Variants in TUSC3 observed in about 807,000 individuals in gnomAD.
TUSC3 encodes tumor suppressor candidate 3, also known as dolichyl-diphosphooligosaccharide--protein glycosyltransferase subunit TUSC3.
TUSC3 carries 45 observed loss-of-function variants against 44.8 expected under a neutral mutation model. That is an observed-to-expected ratio of 1.00 (90% CI 0.79 to 1.29). The LOEUF is 1.29. Among genes scored for constraint, TUSC3 ranks in the 50% most tolerant of loss-of-function variants. The pLI, the probability that TUSC3 is intolerant of heterozygous loss-of-function variation, is 0.00. For missense variants in TUSC3, 519 were observed against 437.9 expected, an observed-to-expected ratio of 1.19 and a Z score of -1.65; for synonymous variants, 212 against 152.9, an observed-to-expected ratio of 1.39 and a Z score of -2.85.
chr8:15,492,508 C>T (rs937539181), intron 2 of TUSC3, among the ~76,000 whole-genome samples: 1 of 152,174 alleles, frequency 6.6e-6, no homozygotes, highest in African/African-American at 2.4e-5. Flanking sequence ...GACTTTAAGA[C>T]TGCCCCAAGA....
At chr8:15,448,951 C>G (rs1376459648) in intron 1 of TUSC3, among the ~76,000 whole-genome samples, 2 of 152,046 alleles carry the variant, frequency 1.3e-5, no homozygotes, top group Non-Finnish European at 2.9e-5. Context: ...ATAAATTTAG[C>G]ATAGACTAAT....
At chr8:15,515,844 T>G (rs1211814506) in intron 2 of TUSC3, among the ~76,000 whole-genome samples, 1 of 151,920 alleles carries the variant, frequency 6.6e-6, no homozygotes, top group Non-Finnish European at 1.5e-5. Flanking sequence ...TTTTTTTTTG[T>G]ATTTTTAGTA....
intron 1 of TUSC3, among the ~76,000 whole-genome samples, chr8:15,472,871 T>C (rs1240952496): frequency 6.6e-6 from 1 of 152,216 alleles, no homozygotes; most frequent in Non-Finnish European, 1.5e-5. Flanking sequence ...TGGTGGAATA[T>C]ACTGACTGAT....
At chr8:15,737,035 AAAGAT>A (rs1398864815) in intron 7 of TUSC3, among the ~76,000 whole-genome samples, 3 of 152,190 alleles carry the variant, frequency 2.0e-5, no homozygotes, top group Non-Finnish European at 2.9e-5. Context: ...TTATTCTTAT[AAAGAT>A]AACATTGCAT....
chr8:15,584,790 T>C (rs1293234922), intron 1 of TUSC3, among the ~76,000 whole-genome samples: 4 of 151,882 alleles, frequency 2.6e-5, no homozygotes, highest in Non-Finnish European at 5.9e-5. Flanking sequence ...GTATAGTGAG[T>C]TTAGGGAATT....
At chr8:15,418,493 C>T (rs931642854) in intron 1 of TUSC3, among the ~76,000 whole-genome samples, 6 of 152,120 alleles carry the variant, frequency 3.9e-5, no homozygotes, top group African/African-American at 1.4e-4. Context: ...ATTAATCCCA[C>T]AGGGCTGTCA....
intron 1 of TUSC3, among the ~76,000 whole-genome samples, chr8:15,593,984 C>A (rs754482134): frequency 1.3e-5 from 2 of 152,174 alleles, no homozygotes; most frequent in African/African-American, 4.8e-5. Context: ...TTCTGCATAA[C>A]TAACTTTGGC....
chr8:15,526,694 C>T (rs979310574), intron 2 of TUSC3, among the ~76,000 whole-genome samples: 5 of 152,124 alleles, frequency 3.3e-5, no homozygotes, highest in Admixed American at 3.3e-4. Context: ...GTCCATTGAA[C>T]CTCTTTTTCT....
At chr8:15,489,853 C>G (rs756930402) in intron 2 of TUSC3, among the ~76,000 whole-genome samples, 2 of 152,150 alleles carry the variant, frequency 1.3e-5, no homozygotes, top group African/African-American at 4.8e-5. Context: ...CATTCAGTCC[C>G]TTGGGCTTAG....
At chr8:15,550,794 C>T (rs1218797792) in intron 1 of TUSC3, among the ~76,000 whole-genome samples, 1 of 151,596 alleles carries the variant, frequency 6.6e-6, no homozygotes, top group Non-Finnish European at 1.5e-5. Context: ...GCCTCAGCCT[C>T]CCGAGTAGCT....
chr8:15,438,381 C>G (rs1007838521), intron 1 of TUSC3, among the ~76,000 whole-genome samples: 25 of 152,212 alleles, frequency 1.6e-4, no homozygotes, highest in African/African-American at 6.0e-4. Context: ...CAGGCGTGAG[C>G]CACCGCGCCC....
intron 1 of TUSC3, among the ~76,000 whole-genome samples, chr8:15,577,910 G>A (rs564122546): frequency 2.7e-5 from 4 of 150,886 alleles, no homozygotes; most frequent in South Asian, 2.1e-4. Context: ...TGGGCAGTAC[G>A]GCCATTTTTA....
At chr8:15,579,047 G>A (rs1803221403) in intron 1 of TUSC3, among the ~76,000 whole-genome samples, 3 of 151,936 alleles carry the variant, frequency 2.0e-5, no homozygotes, top group South Asian at 4.2e-4. Flanking sequence ...AGTCTTGGGA[G>A]AGTGTATGTG....
chr8:15,514,033 A>G (rs1801177953), intron 2 of TUSC3, among the ~76,000 whole-genome samples: 1 of 152,082 alleles, frequency 6.6e-6, no homozygotes, highest in Non-Finnish European at 1.5e-5. Flanking sequence ...CATAACCAGT[A>G]CTTTTCATCC....
At chr8:15,418,575 A>G (rs1799688951) in intron 1 of TUSC3, among the ~76,000 whole-genome samples, 1 of 152,238 alleles carries the variant, frequency 6.6e-6, no homozygotes, top group Admixed American at 6.5e-5. Flanking sequence ...AACAAAAGTT[A>G]TAAAATCGGC....
intron 1 of TUSC3, among the ~76,000 whole-genome samples, chr8:15,545,898 A>G (rs1801846530): frequency 1.3e-5 from 2 of 151,722 alleles, no homozygotes; most frequent in Admixed American, 6.6e-5. Flanking sequence ...TTGGCATGTC[A>G]GACTATCTCA....
At chr8:15,495,062 T>C (rs1218639697) in intron 2 of TUSC3, among the ~76,000 whole-genome samples, 1 of 152,226 alleles carries the variant, frequency 6.6e-6, no homozygotes, top group Non-Finnish European at 1.5e-5. Flanking sequence ...GCTCCATCTT[T>C]GCTGCTGCAA....
intron 1 of TUSC3, among the ~76,000 whole-genome samples, chr8:15,604,150 G>T (rs763859853): frequency 1.5e-4 from 23 of 151,650 alleles, no homozygotes; most frequent in Non-Finnish European, 2.5e-4. Flanking sequence ...ATGATATTGA[G>T]ATAGAGTATT....
upstream of TUSC3, chr8:15,540,165 A>T (rs1158031230): frequency 2.4e-6 from 1 of 420,580 alleles, no homozygotes; most frequent in East Asian, 4.0e-5. Context: ...GCGGGAGCGC[A>T]CGCCGCGCCC....
Sources: gnomAD v4.1 joint callset for allele counts (sites outside exome capture counted in the v4.1 genomes callset) on GRCh38, gnomAD v4.1.1 for gene constraint, MANE v1.5 for transcripts, NCBI Gene and HGNC (gene_info 2026-07-23, HGNC 2026-07-21) for gene names.